The following RNF13 variants were observed in gnomAD, a reference collection of about 807,000 sequenced individuals.
RNF13 encodes ring finger protein 13, also known as E3 ubiquitin-protein ligase RNF13.
A neutral mutation model predicts 37.7 loss-of-function variants in RNF13; 19 were observed. The observed-to-expected ratio is 0.50, with a 90% CI of 0.35 to 0.74. The LOEUF (loss-of-function observed/expected upper bound fraction) is 0.74, where lower values mean the gene tolerates loss of function less well. RNF13 is among the 30% of genes least tolerant of loss of function. The pLI is 0.01. For missense variants in RNF13, 375 were observed against 453.0 expected, an observed-to-expected ratio of 0.83 and a Z score of 1.56; for synonymous variants, 144 against 157.8, an observed-to-expected ratio of 0.91 and a Z score of 0.65.
chr3:149,859,891 A>G (rs973723117), intron 3 of RNF13, among the ~76,000 whole-genome samples: 6 of 152,160 alleles, frequency 3.9e-5, no homozygotes, highest in East Asian at 1.9e-4. Context: ...TTTATATGGA[A>G]CCAGAAAAGA....
intron 4 of RNF13, among the ~76,000 whole-genome samples, chr3:149,884,396 A>T (rs1713776657): frequency 6.6e-6 from 1 of 151,902 alleles, no homozygotes; most frequent in Admixed American, 6.6e-5. Context: ...GTATTCAAGG[A>T]AGTCTCCCCT....
At chr3:149,952,160 G>A (rs1721406397) in intron 8 of RNF13, among the ~76,000 whole-genome samples, 1 of 152,082 alleles carries the variant, frequency 6.6e-6, no homozygotes, top group Non-Finnish European at 1.5e-5. Context: ...CATTAACAAG[G>A]TAAAATATCC....
rs567404830 is a variant in RNF13 at position 149,833,227 on chromosome 3, C to T, written c.-16-12784C>T. Reference sequence around the variant, plus strand: ...CTCTGCCTCCCAGGTTTAAGAGATTCTCCTGCCTCAGCCTCCCGAGTAGCT... The same window carrying T: ...CTCTGCCTCCCAGGTTTAAGAGATTTTCCTGCCTCAGCCTCCCGAGTAGCT... On this transcript the variant is annotated intron_variant, in intron 1 of 9. Transcript: ENST00000392894. Among the ~76,000 whole-genome samples, 10 of 142,726 alleles carry T rather than the reference C, an allele frequency of 7.0e-5. No individual in the cohort carries two copies. In the East Asian group the frequency reaches 8.6e-4, roughly 12 times the overall value. 93.6% of individuals were successfully genotyped at this position (142,726 alleles called of 152,430 possible). A position where few individuals can be genotyped will look rare whatever the true frequency, so the allele number is the denominator to read the frequency against.
At chr3:149,826,494 A>G (rs1448164714) in intron 1 of RNF13, among the ~76,000 whole-genome samples, 1 of 152,232 alleles carries the variant, frequency 6.6e-6, no homozygotes, top group Non-Finnish European at 1.5e-5. Context: ...GAATTAAAAG[A>G]CTTGTTGCTT....
At chr3:149,909,966 G>GA (rs994399200) in intron 6 of RNF13, among the ~76,000 whole-genome samples, 5 of 148,508 alleles carry the variant, frequency 3.4e-5, no homozygotes, top group Admixed American at 6.7e-5. Context: ...AAAAAAAACA[G>GA]AATATGAGAG....
chr3:149,913,796 A>G (rs1196293373), intron 7 of RNF13, among the ~76,000 whole-genome samples: 1 of 152,218 alleles, frequency 6.6e-6, no homozygotes, highest in Non-Finnish European at 1.5e-5. Context: ...GGTATATGGT[A>G]TCTGTAGAAC....
intron 8 of RNF13, among the ~76,000 whole-genome samples, chr3:149,950,897 G>A (rs1193250155): frequency 6.6e-6 from 1 of 152,100 alleles, no homozygotes; most frequent in Admixed American, 6.6e-5. Context: ...GGTATCTTCT[G>A]TTCCATGTAG....
intron 5 of RNF13, among the ~76,000 whole-genome samples, chr3:149,899,298 T>A (rs1368231527): frequency 4.6e-5 from 7 of 151,960 alleles, no homozygotes; most frequent in African/African-American, 1.7e-4. Context: ...ATATAAAAAA[T>A]TAGCCAGGTG....
intron 1 of RNF13, among the ~76,000 whole-genome samples, chr3:149,824,292 T>C (rs1321543563): frequency 6.6e-6 from 1 of 152,212 alleles, no homozygotes; most frequent in African/African-American, 2.4e-5. Context: ...TTGGAATCTG[T>C]GAATATGTTA....
intron 4 of RNF13, among the ~76,000 whole-genome samples, chr3:149,883,605 T>G (rs1443119282): frequency 6.6e-6 from 1 of 152,178 alleles, no homozygotes; most frequent in African/African-American, 2.4e-5. Flanking sequence ...TAATTCCGTA[T>G]CCATGTAATT....
At chr3:149,840,435 G>C (rs1576745036) in intron 1 of RNF13, among the ~76,000 whole-genome samples, 2 of 152,192 alleles carry the variant, frequency 1.3e-5, no homozygotes, top group East Asian at 3.9e-4. Context: ...GGAGGACGAG[G>C]GGCACAAGGA....
At chr3:149,837,880 A>G (rs937953351) in intron 1 of RNF13, among the ~76,000 whole-genome samples, 2 of 152,140 alleles carry the variant, frequency 1.3e-5, no homozygotes, top group African/African-American at 4.8e-5. Context: ...CCACATTCCA[A>G]TGTCTCATCT....
chr3:149,835,916 A>G (rs577280354), intron 1 of RNF13, among the ~76,000 whole-genome samples: 1 of 140,670 alleles, frequency 7.1e-6, no homozygotes, highest in Admixed American at 7.0e-5. Flanking sequence ...CAGTACTGGG[A>G]TTGCTGGATC....
At chr3:149,941,475 G>A (rs184228279) in intron 8 of RNF13, among the ~76,000 whole-genome samples, 284 of 149,936 alleles carry the variant, frequency 1.9e-3, no homozygotes, top group African/African-American at 6.6e-3. Flanking sequence ...TTGGCTATTC[G>A]TATATCTTCT....
At chr3:149,958,705 G>T (rs1235448569) in intron 8 of RNF13, among the ~76,000 whole-genome samples, 1 of 152,178 alleles carries the variant, frequency 6.6e-6, no homozygotes, top group Non-Finnish European at 1.5e-5. Flanking sequence ...CATGTAAATA[G>T]ATCTATGTAA....
chr3:149,943,584 T>G (rs1304436997), intron 8 of RNF13, among the ~76,000 whole-genome samples: 1 of 152,206 alleles, frequency 6.6e-6, no homozygotes, highest in East Asian at 1.9e-4. Context: ...TTGTACATTC[T>G]ATGGGTTTAG....
intron 8 of RNF13, among the ~76,000 whole-genome samples, chr3:149,930,084 CCTGT>C (rs1440791565): frequency 2.0e-5 from 3 of 152,266 alleles, no homozygotes; most frequent in African/African-American, 7.2e-5. Context: ...TGCCACCATG[CCTGT>C]CTAATTTTTT....
chr3:149,832,971 C>G (rs1344211148), intron 1 of RNF13, among the ~76,000 whole-genome samples: 3 of 152,074 alleles, frequency 2.0e-5, no homozygotes, highest in Non-Finnish European at 4.4e-5. Context: ...ATCAATTTTT[C>G]TCAAACTCTT....
In RNF13 at chr3:149,961,375, T is replaced by A. The variant is rs1419307206; in HGVS notation, c.*271T>A. 5 of 525,396 alleles carry A rather than the reference T, an allele frequency of 9.5e-6. No homozygotes were observed. In the Admixed American group the frequency reaches 1.0e-4, roughly 11 times the overall value. 32.5% of individuals were successfully genotyped at this position (525,396 alleles called of 1,614,324 possible). ...TAGCCAAAACATAAAAAAAAAAAAA[T>A]CCTCAGTATAGCTTGCAATTAAGAC... On this transcript the variant is annotated 3_prime_UTR_variant, in exon 10 of 10. Transcript: ENST00000392894.
Sources: gnomAD v4.1 joint callset for allele counts (sites outside exome capture counted in the v4.1 genomes callset) on GRCh38, gnomAD v4.1.1 for gene constraint, MANE v1.5 for transcripts, NCBI Gene and HGNC (gene_info 2026-07-23, HGNC 2026-07-21) for gene names.